Variants in DSG1 observed in about 807,000 individuals in gnomAD.
The protein encoded by DSG1 is desmoglein-1.
In DSG1, 39 loss-of-function variants were observed where a neutral mutation model predicts 97.5. The ratio of observed to expected loss-of-function variants is 0.40; its 90% CI spans 0.31 to 0.52. The LOEUF (loss-of-function observed/expected upper bound fraction) is 0.52. DSG1 is among the 20% of genes least tolerant of loss of function. The probability of loss-of-function intolerance (pLI) is 0.53; values close to 1 mark genes in which losing one functional copy is unlikely to be tolerated. For missense variants in DSG1, 1,311 were observed against 1,295.4 expected, an observed-to-expected ratio of 1.01 and a Z score of -0.18; for synonymous variants, 475 against 443.4, an observed-to-expected ratio of 1.07 and a Z score of -0.90.
At position 31,343,582 on chromosome 18, in the gene DSG1, G is replaced by A. The variant is rs1448734448; in HGVS notation, c.1820G>A (p.Arg607Lys). 1 of 1,613,970 alleles carries A rather than the reference G, an allele frequency of 6.2e-7. No individual in the cohort carries two copies. Among genetic ancestry groups the A allele is most frequent in the South Asian group, 1.1e-5 (1 of 91,078 alleles). The change falls in exon 12 of 15, where the codon AGG becomes AAG. Residue 607 changes from arginine (R) to lysine (K), a missense_variant and splice_region_variant. Arg to Lys is a conservative substitution (Grantham distance 26). This residue lies in a region of DSG1 where 1,038 missense variants were observed against 964.6 expected (regional missense o/e 1.08). Coordinates refer to ENST00000257192, the MANE Select transcript of DSG1 (RefSeq NM_001942.4). ...WAVEGPQPEP[R>K]DITTVIPQIP... ...GTAGAAGGACCACAGCCTGAACCCA[G>A]GGTAAGTGCCACATTCTAAGAAATA...
chr18:31,355,010 T>C lies in DSG1; in HGVS notation c.2814T>C (p.Ser938=), dbSNP rs1042754. 11,845 of 1,614,088 alleles carry C rather than the reference T, an allele frequency of 7.3e-3. 798 individuals carry two copies. In the African/African-American group the frequency reaches 0.14, roughly 19 times the overall value. ...QPTSGMIGSL[S]MHPELANAHN... ...CTTCCGGCATGATAGGTAGTCTGAG[T>C]ATGCACCCCGAGTTAGCCAATGCCC... The change falls in exon 15 of 15, where the codon AGT becomes AGC. Residue 938 remains serine (S), a synonymous_variant. Coordinates refer to ENST00000257192, the MANE Select transcript of DSG1 (RefSeq NM_001942.4).
At chr18:31,345,257 T>A (rs763031149) in intron 13 of DSG1, 5 of 152,182 alleles carry the variant, frequency 3.3e-5, no homozygotes, top group Non-Finnish European at 7.4e-5. Flanking sequence ...CTAAAGCCAG[T>A]GGATACATAT....
Position 31,354,886 on chromosome 18 carries a change from G to A in DSG1, c.2690G>A (p.Arg897Lys). The A allele has an allele frequency of 6.2e-7, 1 of 1,614,166 alleles. No homozygotes were observed. Among genetic ancestry groups the A allele is most frequent in the South Asian group, 1.1e-5 (1 of 91,074 alleles). The change falls in exon 15 of 15, where the codon AGG becomes AAG. Residue 897 changes from arginine to lysine, a missense_variant. Physicochemically the swap from Arg to Lys is conservative, Grantham distance 26. Around this residue, in one of 3 missense-constraint regions of DSG1, gnomAD observed 1,038 missense variants for 964.6 expected, o/e 1.08. Coordinates refer to ENST00000257192, the MANE Select transcript of DSG1 (RefSeq NM_001942.4). Reference protein sequence around the residue: ...RDGSNVIVTERVIAPSSSLPT... With the variant: ...RDGSNVIVTEKVIAPSSSLPT... ...GGGTCGAATGTTATAGTGACAGAAA[G>A]GGTAATAGCACCAAGCTCTAGTCTA...
chr18:31,331,180 A>G (rs2071718689), intron 5 of DSG1, among the ~76,000 whole-genome samples: 1 of 152,090 alleles, frequency 6.6e-6, no homozygotes, highest in Non-Finnish European at 1.5e-5. Context: ...CCCAAAACAA[A>G]ACAGTAGTAA....
rs533601996 is a variant in DSG1, at chr18:31,343,981, G to T, written c.1877G>T (p.Cys626Phe). ...IPPDNANIIE[C>F]IDNSGVYTNE... ...CCTGATAACGCAAATATAATTGAAT[G>T]CATTGACAACTCAGGTAAGAAAAAA... The change falls in exon 13 of 15, where the codon TGC becomes TTC. Residue 626 changes from cysteine (C) to phenylalanine (F), a missense_variant. This residue lies in a region of DSG1 where 1,038 missense variants were observed against 964.6 expected (regional missense o/e 1.08). Coordinates refer to ENST00000257192, the MANE Select transcript of DSG1 (RefSeq NM_001942.4). The T allele has an allele frequency of 6.2e-6, 10 of 1,612,254 alleles. No homozygotes were observed. The East Asian group carries it at 1.1e-4, about 18-fold the overall frequency.
intron 11 of DSG1, among the ~76,000 whole-genome samples, chr18:31,342,187 C>T (rs1047269433): frequency 6.6e-6 from 1 of 152,242 alleles, no homozygotes; most frequent in South Asian, 2.1e-4. Context: ...CCGCTTTGGC[C>T]TCTCAAAGTG....
chr18:31,326,614 C>A lies in DSG1; in HGVS notation c.82C>A (p.Gln28Lys). 6.2e-7 allele frequency: 1 copy of A among 1,602,076 alleles called. No homozygotes were observed. Among genetic ancestry groups the A allele is most frequent in the Non-Finnish European group, 8.5e-7 (1 of 1,169,970 alleles). The stretch of plus-strand genomic sequence containing the variant: ...AGAAGTTAACAGTGAATTCCGAATC[C>A]AGGTAATATATAACAAATCCATTTT... ...VVEVNSEFRI[Q>K]VRDYNTKNGT... The change falls in exon 2 of 15, where the codon CAG (glutamine) becomes AAG (lysine). Residue 28 changes from glutamine (Q) to lysine (K), a missense_variant and splice_region_variant. By Grantham distance (53) the Gln-to-Lys change is moderately conservative. Coordinates refer to ENST00000257192, the MANE Select transcript of DSG1 (RefSeq NM_001942.4).
At chr18:31,338,523 T>C in intron 10 of DSG1, 69 bp downstream of exon 10, 1 of 1,546,004 alleles carries the variant, frequency 6.5e-7, no homozygotes, top group Non-Finnish European at 8.9e-7. Context: ...ATTAACATTT[T>C]AACTATCACA....
In DSG1 at chr18:31,355,528, A is replaced by G. The variant is rs2144129405; in HGVS notation, c.*182A>G. 1 of 659,682 alleles carries G rather than the reference A, an allele frequency of 1.5e-6. No homozygotes were observed. The highest frequency in any genetic ancestry group is 2.6e-6 in the Non-Finnish European group (1 of 384,796). The allele number at this position is 659,682 out of a possible 1,614,324, so 40.9% of individuals were successfully genotyped here. A position where few individuals can be genotyped will look rare whatever the true frequency, so the allele number is the denominator to read the frequency against. On this transcript the variant is annotated 3_prime_UTR_variant, in exon 15 of 15. Transcript: ENST00000257192. ...CTGCTAGGGGAGAGCTCTCCTTAGCATTCATAAACTTTTCTCTTATATTAG... is the reference window on the plus strand; with the variant it reads ...CTGCTAGGGGAGAGCTCTCCTTAGCGTTCATAAACTTTTCTCTTATATTAG...
chr18:31,343,775 A>T (rs2071807081), intron 12 of DSG1, 151 bp from the exon 13 acceptor site: 2 of 1,145,240 alleles, frequency 1.7e-6, no homozygotes, highest in Non-Finnish European at 2.6e-6. Flanking sequence ...TTCTAAGTGA[A>T]GTTCAAATTT....
At position 31,354,512 on chromosome 18, in the gene DSG1, T is replaced by C; in HGVS notation, c.2316T>C (p.Asp772=). The change falls in exon 15 of 15, where the codon GAT becomes GAC. Residue 772 remains aspartate (D), a synonymous_variant. Coordinates refer to ENST00000257192, the MANE Select transcript of DSG1 (RefSeq NM_001942.4). ...SLGKESYPDL[D]PSWPPQSTEP... is the part of the protein sequence containing the mutation. ...GAAAAGAATCATATCCAGACCTTGATCCTTCTTGGCCACCACAAAGCACTG... is the reference window on the plus strand; with the variant it reads ...GAAAAGAATCATATCCAGACCTTGACCCTTCTTGGCCACCACAAAGCACTG... The C allele has an allele frequency of 2.5e-6, 4 of 1,614,168 alleles. No homozygotes were observed. The highest frequency in any genetic ancestry group is 3.4e-6 in the Non-Finnish European group (4 of 1,180,018).
intron 14 of DSG1, 63 bp from the exon 15 acceptor site, chr18:31,354,234 G>C (rs1448077271): frequency 1.1e-5 from 16 of 1,415,352 alleles, no homozygotes; most frequent in Non-Finnish European, 5.0e-6. Context: ...AATGATAAAG[G>C]CTGTTCTATT....
At position 31,343,543 on chromosome 18, in the gene DSG1, T is replaced by C. The variant is rs775604913; in HGVS notation, c.1781T>C (p.Ile594Thr). The C allele has an allele frequency of 1.9e-6, 3 of 1,614,008 alleles. No individual in the cohort carries two copies. The highest frequency in any genetic ancestry group is 8.5e-7 in the Non-Finnish European group (1 of 1,180,034). The change falls in exon 12 of 15, where the codon ATT becomes ACT. Residue 594 changes from isoleucine to threonine, a missense_variant. Around this residue, in one of 3 missense-constraint regions of DSG1, gnomAD observed 1,038 missense variants for 964.6 expected, o/e 1.08. Transcript: ENST00000257192. ...GTTCCCGAATGTTCAGATGGAGCAA[T>C]TCATTCATGGGCAGTAGAAGGACCA... ...EPVPECSDGA[I>T]HSWAVEGPQP...
chr18:31,355,234 G>T lies in DSG1; in HGVS notation c.3038G>T (p.Gly1013Val). 1 of 1,608,504 alleles carries T rather than the reference G, an allele frequency of 6.2e-7. No individual in the cohort carries two copies. ...LSSLGGTASI[G>V]HMRSSSDHHF... ...AGCTTGGGAGGGACAGCCAGCATTG[G>T]CCACATGAGGAGTTCCTCTGACCAT... The change falls in exon 15 of 15, where the codon GGC becomes GTC. Residue 1013 changes from glycine to valine, a missense_variant. Physicochemically the swap from Gly to Val is moderately radical, Grantham distance 109. Transcript: ENST00000257192.
In DSG1 at chr18:31,358,862, C is replaced by T. The variant is rs1443204586; in HGVS notation, c.*3516C>T. Among the ~76,000 whole-genome samples, 2 of 152,032 alleles carry T rather than the reference C, an allele frequency of 1.3e-5. No homozygotes were observed. The highest frequency in any genetic ancestry group is 2.9e-5 in the Non-Finnish European group (2 of 67,960). ...CTACTCTCCTTGAAATCAAATCTGTCTTCCACTTCCGGATTATTCAATTTA... is the reference window on the plus strand; with the variant it reads ...CTACTCTCCTTGAAATCAAATCTGTTTTCCACTTCCGGATTATTCAATTTA... On this transcript the variant is annotated 3_prime_UTR_variant, in exon 15 of 15. Coordinates refer to ENST00000257192, the MANE Select transcript of DSG1 (RefSeq NM_001942.4).
At position 31,356,651 on chromosome 18, in the gene DSG1, A is replaced by G. The variant is rs1400508038; in HGVS notation, c.*1305A>G. ...GTGTTGATAAGCATGAAATAATAAT[A>G]GAAACCTATTCTGCTAGTTTATCTC... On this transcript the variant is annotated 3_prime_UTR_variant, in exon 15 of 15. Transcript: ENST00000257192. The G allele has an allele frequency of 3.9e-5, 6 of 152,218 alleles. No individual in the cohort carries two copies. Among genetic ancestry groups the G allele is most frequent in the African/African-American group, 1.4e-4 (6 of 41,474 alleles). The allele number at this position is 152,218 out of a possible 1,614,324, so 9.4% of individuals were successfully genotyped here.
intron 1 of DSG1, among the ~76,000 whole-genome samples, chr18:31,322,218 C>A (rs2071658396): frequency 2.6e-5 from 4 of 152,170 alleles, no homozygotes; most frequent in Non-Finnish European, 1.5e-5. Flanking sequence ...GTCTGATTTG[C>A]CTTTGTATCC....
chr18:31,341,944 G>A (rs1416629705), intron 11 of DSG1, among the ~76,000 whole-genome samples: 1 of 149,028 alleles, frequency 6.7e-6, no homozygotes, highest in Non-Finnish European at 1.5e-5. Flanking sequence ...TTGTTTTTTT[G>A]TTTTTTTTTG....
chr18:31,335,849 A>G (rs927677312), intron 8 of DSG1, among the ~76,000 whole-genome samples: 2 of 150,476 alleles, frequency 1.3e-5, no homozygotes, highest in Admixed American at 6.6e-5. Flanking sequence ...TTTATATTAT[A>G]TATATATTAC....
Sources: allele counts gnomAD v4.1 joint callset (sites outside exome capture counted in the v4.1 genomes callset), GRCh38; gene constraint gnomAD v4.1.1; regional missense constraint gnomAD v4.1.1; transcripts MANE v1.5; gene names NCBI Gene and HGNC (gene_info 2026-07-23, HGNC 2026-07-21).